The following IGIP variants were observed in gnomAD, a reference collection of about 807,000 sequenced individuals.
IGIP encodes the protein IgA inducing protein.
A neutral mutation model predicts 3.2 loss-of-function variants in IGIP; 1 was observed. The ratio of observed to expected loss-of-function variants is 0.32; its 90% CI spans 0.11 to 1.50. The LOEUF (loss-of-function observed/expected upper bound fraction) is 1.50, where lower values mean the gene tolerates loss of function less well. IGIP is among the 40% of genes most tolerant of loss of function. IGIP has a pLI of 0.39. For missense variants in IGIP, 64 were observed against 69.0 expected, an observed-to-expected ratio of 0.93 and a Z score of 0.26; for synonymous variants, 20 against 22.7, an observed-to-expected ratio of 0.88 and a Z score of 0.34.
Position 140,128,520 on chromosome 5 carries a change from G to A in IGIP, c.44G>A (p.Cys15Tyr), listed in dbSNP as rs1247390360. The stretch of plus-strand genomic sequence containing the variant: ...ATGAAGAAACGCAGTGTGTCGGGCT[G>A]TAATATTACCATATTTGCTGTCATG... ...YHMKKRSVSG[C>Y]NITIFAVMFS... The change falls in exon 1 of 1, where the codon TGT becomes TAT. Residue 15 changes from cysteine (C) to tyrosine (Y), a missense_variant. Coordinates refer to ENST00000333305, the MANE Select transcript of IGIP (RefSeq NM_001007189.2). 3.1e-6 allele frequency: 5 copies of A among 1,608,858 alleles called. No individual in the cohort carries two copies. The highest frequency in any genetic ancestry group is 1.7e-4 in the Middle Eastern group (1 of 6,054).
At position 140,126,426 on chromosome 5, in the gene IGIP, G is replaced by A. The variant is rs143570413; in HGVS notation, c.-2051G>A. On this transcript the variant is annotated 5_prime_UTR_variant, in exon 1 of 1. Transcript: ENST00000333305. ...TGTCGTTTGAATTTTCTCTGTCAGT[G>A]TATTTAGCCCAAATACAACAGCTTT... is the stretch of plus-strand genomic sequence containing the variant. 32 of 167,180 alleles carry A rather than the reference G, an allele frequency of 1.9e-4. 1 individual carries two copies. In the East Asian group the frequency reaches 6.2e-3, roughly 32 times the overall value. The allele number at this position is 167,180 out of a possible 1,614,324, so 10.4% of individuals were successfully genotyped here.
In IGIP at chr5:140,128,847, G is replaced by A; in HGVS notation, c.*209G>A. ...TCTTTTGTTTCAGTGCTTTTTGGGGGAAGGGGTCTGGTTGCGATCTTGGAT... is the reference window on the plus strand; with the variant it reads ...TCTTTTGTTTCAGTGCTTTTTGGGGAAAGGGGTCTGGTTGCGATCTTGGAT... On this transcript the variant is annotated 3_prime_UTR_variant, in exon 1 of 1. Coordinates refer to ENST00000333305, the MANE Select transcript of IGIP (RefSeq NM_001007189.2). 1 of 508,280 alleles carries A rather than the reference G, an allele frequency of 2.0e-6. No individual in the cohort carries two copies. Among genetic ancestry groups the A allele is most frequent in the Non-Finnish European group, 3.4e-6 (1 of 290,956 alleles). The allele number at this position is 508,280 out of a possible 1,614,324, so 31.5% of individuals were successfully genotyped here.
At position 140,127,914 on chromosome 5, in the gene IGIP, CAAAT is replaced by C. The variant is rs1439060098; in HGVS notation, c.-559_-556del. The C allele has an allele frequency of 3.6e-5, 6 of 166,530 alleles. No homozygotes were observed. The highest frequency in any genetic ancestry group is 6.5e-5 in the Admixed American group (1 of 15,276). The allele number at this position is 166,530 out of a possible 1,614,324, so 10.3% of individuals were successfully genotyped here. The stretch of plus-strand genomic sequence containing the variant: ...ACATTAATGTTTCCTTATGGGAAAA[CAAAT>C]AAAGTATAAAGAAGACAATTCTTTT... On this transcript the variant is annotated 5_prime_UTR_variant, in exon 1 of 1. It removes the in-frame stop codon of an upstream open reading frame in the 5' UTR. Coordinates refer to ENST00000333305, the MANE Select transcript of IGIP (RefSeq NM_001007189.2).
Sources: gnomAD v4.1 joint callset for allele counts on GRCh38, gnomAD v4.1.1 for gene constraint, MANE v1.5 for transcripts, NCBI Gene and HGNC (gene_info 2026-07-23, HGNC 2026-07-21) for gene names.